The following PCDH9 variants were observed in gnomAD, a reference collection of about 807,000 sequenced individuals.
PCDH9 encodes protocadherin 9.
PCDH9 carries 24 observed loss-of-function variants against 70.6 expected under a neutral mutation model. That is an observed-to-expected ratio of 0.34 (90% CI 0.25 to 0.48). PCDH9 has a LOEUF of 0.48. Ranked by LOEUF, PCDH9 falls within the 20% of genes least tolerant of loss-of-function variation. The pLI is 0.99. For missense variants in PCDH9, 1,281 were observed against 1,503.6 expected (o/e 0.85, Z 2.45); for synonymous variants, 562 against 558.5 (o/e 1.01, Z -0.09).
At chr13:66,342,361 C>A (rs926170427) in intron 4 of PCDH9, among the ~76,000 whole-genome samples, 1 of 152,024 alleles carries the variant, frequency 6.6e-6, no homozygotes, top group Non-Finnish European at 1.5e-5. Context: ...TAGCTAAATG[C>A]GTTTTACAAC....
intron 4 of PCDH9, among the ~76,000 whole-genome samples, chr13:66,489,673 A>G (rs1959002046): frequency 6.6e-6 from 1 of 152,044 alleles, no homozygotes; most frequent in Non-Finnish European, 1.5e-5. Flanking sequence ...TACCTTCTCC[A>G]CTGCAAATCC....
chr13:66,435,133 T>C, intron 4 of PCDH9, among the ~76,000 whole-genome samples: 1 of 152,090 alleles, frequency 6.6e-6, no homozygotes, highest in East Asian at 1.9e-4. Context: ...ACCCATGATA[T>C]GGTGGAGGGA....
At position 66,414,141 on chromosome 13, in the gene PCDH9, T is replaced by C. The variant is rs577622781; in HGVS notation, c.3341-109113A>G. 7.2e-5 allele frequency among the ~76,000 whole-genome samples: 11 copies of C among 152,336 alleles called. No individual in the cohort carries two copies. In the South Asian group the frequency reaches 2.3e-3, roughly 32 times the overall value. On this transcript the variant is annotated intron_variant, in intron 4 of 4. Coordinates refer to ENST00000377865, the MANE Select transcript of PCDH9 (RefSeq NM_203487.3). ...CTAGACATGTATTTTATGTAGTTCA[T>C]TTATTTTCATCTCTCTCCTAACACT...
At chr13:66,732,651 T>C (rs9540880) in intron 3 of PCDH9, among the ~76,000 whole-genome samples, 91,583 of 151,922 alleles carry the variant, frequency 0.6, 28,693 homozygotes, top group Non-Finnish European at 0.71. Flanking sequence ...TAAGAGCTGC[T>C]TTTTTAAATT....
chr13:66,330,209 T>C (rs188560637), intron 4 of PCDH9, among the ~76,000 whole-genome samples: 1 of 152,344 alleles, frequency 6.6e-6, no homozygotes, highest in African/African-American at 2.4e-5. Context: ...CTTTGCTCTT[T>C]AAAATCCTCT....
At chr13:66,444,331 C>A (rs568827442) in intron 4 of PCDH9, among the ~76,000 whole-genome samples, 1 of 152,212 alleles carries the variant, frequency 6.6e-6, no homozygotes, top group South Asian at 2.1e-4. Flanking sequence ...AGACTGATTT[C>A]ATCAGTTGTA....
intron 2 of PCDH9, among the ~76,000 whole-genome samples, chr13:67,137,641 T>C (rs1431107409): frequency 6.6e-6 from 1 of 152,144 alleles, no homozygotes; most frequent in African/African-American, 2.4e-5. Context: ...TTTTTTCAGC[T>C]CTGTCTGCAA....
chr13:66,559,558 C>T (rs940238001), intron 4 of PCDH9, among the ~76,000 whole-genome samples: 9 of 151,852 alleles, frequency 5.9e-5, no homozygotes, highest in East Asian at 5.8e-4. Flanking sequence ...CCCAGCACTT[C>T]GGGAAGCTGA....
At chr13:67,135,934 G>T (rs1337723486) in intron 2 of PCDH9, among the ~76,000 whole-genome samples, 1 of 151,912 alleles carries the variant, frequency 6.6e-6, no homozygotes, top group Non-Finnish European at 1.5e-5. Flanking sequence ...AAGCAAGAAA[G>T]GGTCTCTCTG....
At chr13:66,810,883 G>T (rs1056338666) in intron 3 of PCDH9, among the ~76,000 whole-genome samples, 7 of 151,842 alleles carry the variant, frequency 4.6e-5, no homozygotes, top group Admixed American at 4.6e-4. Flanking sequence ...GATATATGTT[G>T]CTATCTTCTT....
At chr13:67,087,783 A>G (rs2086138230) in intron 2 of PCDH9, among the ~76,000 whole-genome samples, 1 of 152,082 alleles carries the variant, frequency 6.6e-6, no homozygotes, top group Non-Finnish European at 1.5e-5. Flanking sequence ...ATGTGAGTTT[A>G]CTTTTGCTTC....
At position 66,398,734 on chromosome 13, in the gene PCDH9, T is replaced by A. The variant is rs186857517; in HGVS notation, c.3341-93706A>T. 3.2e-3 allele frequency among the ~76,000 whole-genome samples: 486 copies of A among 152,338 alleles called. 1 individual carries two copies. The highest frequency in any genetic ancestry group is 5.1e-3 in the Non-Finnish European group (344 of 68,024). On this transcript the variant is annotated intron_variant, in intron 4 of 4. Transcript: ENST00000377865. ...AATGGCTAATAGTTATTAAAATATC[T>A]GTGTGCAATTGTTATTACAAATGAA...
chr13:66,857,337 A>T (rs1436254171), intron 3 of PCDH9, among the ~76,000 whole-genome samples: 1 of 152,176 alleles, frequency 6.6e-6, no homozygotes, highest in Non-Finnish European at 1.5e-5. Flanking sequence ...TTCCATTGGT[A>T]CATTTGGTTT....
chr13:66,775,661 T>C (rs1252740333), intron 3 of PCDH9, among the ~76,000 whole-genome samples: 2 of 152,228 alleles, frequency 1.3e-5, no homozygotes, highest in Non-Finnish European at 2.9e-5. Context: ...AACACTTACT[T>C]TTATCTAGCT....
chr13:67,165,727 A>T (rs1277947611), intron 2 of PCDH9, among the ~76,000 whole-genome samples: 1 of 152,128 alleles, frequency 6.6e-6, no homozygotes, highest in Non-Finnish European at 1.5e-5. Context: ...ATTATCTTTT[A>T]AAAAAATGTT....
At position 67,115,324 on chromosome 13, in the gene PCDH9, G is replaced by A. The variant is rs575095366; in HGVS notation, c.3036+110081C>T. On this transcript the variant is annotated intron_variant, in intron 2 of 4. Coordinates refer to ENST00000377865, the MANE Select transcript of PCDH9 (RefSeq NM_203487.3). The stretch of plus-strand genomic sequence containing the variant: ...CATATCTTTGTGAACAGCAGGCCTC[G>A]CACCTTGAGCCAGCTTTGGGCTTCC... Among the ~76,000 whole-genome samples the A allele has an allele frequency of 6.6e-5, 10 of 152,252 alleles. No individual in the cohort carries two copies. The South Asian group carries it at 2.1e-3, about 32-fold the overall frequency.
At chr13:66,584,255 T>C (rs1029688989) in intron 4 of PCDH9, among the ~76,000 whole-genome samples, 2 of 152,184 alleles carry the variant, frequency 1.3e-5, no homozygotes, top group Admixed American at 1.3e-4. Flanking sequence ...TTACAAGTTT[T>C]ATATCATATT....
intron 2 of PCDH9, among the ~76,000 whole-genome samples, chr13:67,178,754 G>A (rs2088536060): frequency 6.6e-6 from 1 of 152,012 alleles, no homozygotes; most frequent in Non-Finnish European, 1.5e-5. Context: ...TCTTAAACAT[G>A]TTAATGCTAG....
At chr13:66,818,180 G>A (rs1358985934) in intron 3 of PCDH9, among the ~76,000 whole-genome samples, 3 of 152,122 alleles carry the variant, frequency 2.0e-5, no homozygotes, top group Non-Finnish European at 2.9e-5. Flanking sequence ...AAATTTAAGT[G>A]TATAATTACG....
Sources: gnomAD v4.1 joint callset for allele counts (sites outside exome capture counted in the v4.1 genomes callset) on GRCh38, gnomAD v4.1.1 for gene constraint, MANE v1.5 for transcripts, NCBI Gene and HGNC (gene_info 2026-07-23, HGNC 2026-07-21) for gene names.